Variants in GABRA3 observed in about 807,000 individuals in gnomAD.
GABRA3 encodes the protein gamma-aminobutyric acid type A receptor subunit alpha3, also known as gamma-aminobutyric acid receptor subunit alpha-3.
GABRA3 carries 10 observed loss-of-function variants against 30.1 expected under a neutral mutation model. That is an observed-to-expected ratio of 0.33 (90% CI 0.20 to 0.56). The LOEUF (loss-of-function observed/expected upper bound fraction) is 0.56. Ranked by LOEUF, GABRA3 falls within the 20% of genes least tolerant of loss-of-function variation. GABRA3 has a pLI of 0.89. For synonymous variants in GABRA3, 151 were observed against 146.8 expected (o/e 1.03, Z -0.21); for missense variants, 233 against 392.0 (o/e 0.59, Z 3.42).
chrX:152,215,897 A>G (rs1351393568), intron 6 of GABRA3, among the ~76,000 whole-genome samples: 2 of 111,366 alleles, frequency 1.8e-5, no homozygotes, highest in Non-Finnish European at 3.8e-5. Flanking sequence ...AAATAATATA[A>G]AAAAATCTGA....
chrX:152,224,741 G>A, intron 6 of GABRA3, 22 bp downstream of exon 6: 2 of 1,090,450 alleles, frequency 1.8e-6, no homozygotes. Flanking sequence ...AAAAGACAGA[G>A]AGAGAGAGAG....
chrX:152,232,452 C>T (rs1449855249), intron 5 of GABRA3, among the ~76,000 whole-genome samples: 1 of 109,908 alleles, frequency 9.1e-6, no homozygotes, highest in Non-Finnish European at 1.9e-5. Context: ...GTCTATTATT[C>T]CACTCTCTAT....
At chrX:152,379,766 A>G (rs1278100130) in intron 1 of GABRA3, among the ~76,000 whole-genome samples, 1 of 111,936 alleles carries the variant, frequency 8.9e-6, no homozygotes, top group Non-Finnish European at 1.9e-5. Flanking sequence ...ATAAGGCAAA[A>G]GGACTTTACC....
intron 3 of GABRA3, among the ~76,000 whole-genome samples, chrX:152,336,869 A>G (rs1179211264): frequency 9.0e-6 from 1 of 111,255 alleles, no homozygotes; most frequent in African/African-American, 3.3e-5. Flanking sequence ...AAACAGCTTC[A>G]AGAGGAAATC....
intron 3 of GABRA3, among the ~76,000 whole-genome samples, chrX:152,318,422 T>C (rs919758099): frequency 9.0e-6 from 1 of 111,683 alleles, no homozygotes; most frequent in African/African-American, 3.3e-5. Flanking sequence ...ACCAATCCTA[T>C]TGACACTATT....
In GABRA3 at chrX:152,387,089, T is replaced by C. The variant is rs190415205; in HGVS notation, c.-26-22493A>G. On this transcript the variant is annotated intron_variant, in intron 1 of 9. Transcript: ENST00000370314. Reference sequence around the variant, plus strand: ...GCATATTCTCACTCATAGGTGGGAATTGAACAATGAGAACACTTGGACACA... The same window carrying C: ...GCATATTCTCACTCATAGGTGGGAACTGAACAATGAGAACACTTGGACACA... 4.2e-3 allele frequency among the ~76,000 whole-genome samples: 428 copies of C among 102,999 alleles called. 1 individual carries two copies. The highest frequency in any genetic ancestry group is 0.014 in the African/African-American group (382 of 28,024). 89.4% of individuals were successfully genotyped at this position (102,999 alleles called of 115,157 possible). A position where few individuals can be genotyped will look rare whatever the true frequency, so the allele number is the denominator to read the frequency against.
intron 4 of GABRA3, among the ~76,000 whole-genome samples, chrX:152,280,921 T>A (rs1448142741): frequency 1.8e-5 from 2 of 111,134 alleles, no homozygotes; most frequent in African/African-American, 6.5e-5. Context: ...CCCTCTTTAT[T>A]TTCTCATTAG....
intron 1 of GABRA3, chrX:152,393,409 T>C (rs759423900): frequency 5.3e-6 from 2 of 375,609 alleles, no homozygotes; most frequent in South Asian, 5.0e-5. Flanking sequence ...TAAAACACTA[T>C]TTCCCTGTAA....
chrX:152,379,984 C>A (rs771650596), intron 1 of GABRA3, among the ~76,000 whole-genome samples: 2 of 110,141 alleles, frequency 1.8e-5, no homozygotes, highest in African/African-American at 6.6e-5. Context: ...ATTAGAGGCG[C>A]CCACCACCAT....
chrX:152,443,298 T>C (rs150066629), intron 1 of GABRA3, among the ~76,000 whole-genome samples: 135 of 111,999 alleles, frequency 1.2e-3, no homozygotes, highest in African/African-American at 4.1e-3. Flanking sequence ...TAAGGTACCA[T>C]TTTGCCCCTA....
intron 7 of GABRA3, among the ~76,000 whole-genome samples, chrX:152,203,856 C>T (rs1175334125): frequency 8.9e-6 from 1 of 111,804 alleles, no homozygotes; most frequent in Non-Finnish European, 1.9e-5. Context: ...ATTTTGAAAT[C>T]AGCTGATTAG....
chrX:152,330,188 G>A (rs1008987640), intron 3 of GABRA3, among the ~76,000 whole-genome samples: 2 of 111,887 alleles, frequency 1.8e-5, no homozygotes, highest in Admixed American at 9.5e-5. Context: ...TCATTAAAAA[G>A]TCAGGAAACA....
At chrX:152,248,508 A>T (rs73621188) in intron 5 of GABRA3, among the ~76,000 whole-genome samples, 21,896 of 111,197 alleles carry the variant, frequency 0.2, 2,092 homozygotes, top group African/African-American at 0.38. Flanking sequence ...ATTTAAAAAA[A>T]AAAGAAAACC....
chrX:152,220,078 T>G (rs1420300330), intron 6 of GABRA3, among the ~76,000 whole-genome samples: 1 of 111,544 alleles, frequency 9.0e-6, no homozygotes, highest in East Asian at 2.8e-4. Flanking sequence ...ATATTTTTAT[T>G]TATTAAAAGT....
chrX:152,342,674 A>T (rs1030603373), intron 3 of GABRA3, among the ~76,000 whole-genome samples: 10 of 111,708 alleles, frequency 9.0e-5, no homozygotes, highest in African/African-American at 3.2e-4. Flanking sequence ...TTTGTCAGAT[A>T]TCAGATTTTT....
intron 5 of GABRA3, among the ~76,000 whole-genome samples, chrX:152,228,303 C>T (rs1007503072): frequency 8.9e-6 from 1 of 111,785 alleles, no homozygotes; most frequent in Non-Finnish European, 1.9e-5. Flanking sequence ...AAGTACCTTG[C>T]CCCTACAAAC....
At chrX:152,273,721 G>T (rs1389349514) in intron 4 of GABRA3, among the ~76,000 whole-genome samples, 1 of 111,767 alleles carries the variant, frequency 8.9e-6, no homozygotes, top group Non-Finnish European at 1.9e-5. Flanking sequence ...TCACTTACAT[G>T]TAGGAGCTAA....
At chrX:152,203,672 T>TA (rs1356137091) in intron 7 of GABRA3, among the ~76,000 whole-genome samples, 10 of 111,580 alleles carry the variant, frequency 9.0e-5, no homozygotes, top group Non-Finnish European at 1.9e-4. Flanking sequence ...TTTCTCGCCT[T>TA]TTTGGCTTCT....
At chrX:152,446,127 T>C (rs1029564474) in intron 1 of GABRA3, among the ~76,000 whole-genome samples, 3 of 112,184 alleles carry the variant, frequency 2.7e-5, no homozygotes, top group Non-Finnish European at 3.8e-5. Context: ...GTATGCATCA[T>C]CCAACTGAAG....
Sources: allele counts gnomAD v4.1 joint callset (sites outside exome capture counted in the v4.1 genomes callset), GRCh38; gene constraint gnomAD v4.1.1; transcripts MANE v1.5; gene names NCBI Gene and HGNC (gene_info 2026-07-23, HGNC 2026-07-21).